NCOA7: variants seen among roughly 807,000 people sequenced by gnomAD.
NCOA7 encodes the protein nuclear receptor coactivator 7.
A neutral mutation model predicts 104.3 loss-of-function variants in NCOA7; 45 were observed. The observed-to-expected ratio is 0.43, with a 90% confidence interval of 0.34 to 0.55. NCOA7 has a LOEUF of 0.55. NCOA7 is among the 20% of genes least tolerant of loss of function. The probability of loss-of-function intolerance (pLI) is 0.02; values close to 1 mark genes in which losing one functional copy is unlikely to be tolerated. For synonymous variants in NCOA7, 398 were observed against 402.3 expected, an observed-to-expected ratio of 0.99 and a Z score of 0.13; for missense variants, 1,041 against 1,119.7, an observed-to-expected ratio of 0.93 and a Z score of 1.00.
At chr6:125,781,393 G>C (rs1432324347) in intron 1 of NCOA7, 1 of 150,066 alleles carries the variant, frequency 6.7e-6, no homozygotes, top group African/African-American at 2.5e-5. Context: ...CTTGAATCTC[G>C]TTTCTTTTTT....
chr6:125,867,939 C>A (rs1302498948), intron 3 of NCOA7, among the ~76,000 whole-genome samples: 1 of 152,166 alleles, frequency 6.6e-6, no homozygotes, highest in Non-Finnish European at 1.5e-5. Context: ...CGGTAATAAG[C>A]CCGCTTCTAT....
chr6:125,829,959 A>T (rs187962454), intron 2 of NCOA7, among the ~76,000 whole-genome samples: 25 of 152,308 alleles, frequency 1.6e-4, no homozygotes, highest in African/African-American at 6.0e-4. Context: ...TAGTCGAAAT[A>T]TGGAGGTCGT....
chr6:125,881,887 G>A (rs940202912), intron 6 of NCOA7, among the ~76,000 whole-genome samples: 2 of 151,718 alleles, frequency 1.3e-5, no homozygotes, highest in African/African-American at 2.4e-5. Context: ...GTCTTTCTCC[G>A]TCACCCAGAC....
intron 2 of NCOA7, among the ~76,000 whole-genome samples, chr6:125,820,615 G>A (rs1778090976): frequency 6.6e-6 from 1 of 152,164 alleles, no homozygotes; most frequent in Non-Finnish European, 1.5e-5. Flanking sequence ...TGAAGATTGA[G>A]GGTAATATAC....
intron 1 of NCOA7, among the ~76,000 whole-genome samples, chr6:125,783,395 C>T (rs553356963): frequency 5.3e-4 from 81 of 152,294 alleles, no homozygotes; most frequent in African/African-American, 1.9e-3. Context: ...CACTGATGAT[C>T]CTTGTCTGAA....
chr6:125,851,316 C>T (rs1781110178), intron 2 of NCOA7, among the ~76,000 whole-genome samples: 1 of 152,118 alleles, frequency 6.6e-6, no homozygotes, highest in African/African-American at 2.4e-5. Flanking sequence ...ATCCTCATAG[C>T]TTAGCTCCCA....
intron 1 of NCOA7, among the ~76,000 whole-genome samples, chr6:125,809,431 C>T (rs1562799967): frequency 6.6e-6 from 1 of 152,176 alleles, no homozygotes; most frequent in African/African-American, 2.4e-5. Flanking sequence ...CTTCCACCTG[C>T]TTCAGCCTCC....
Position 125,889,838 on chromosome 6 carries a change from C to A in NCOA7, c.1784C>A (p.Ser595Tyr). ...GAGCCCCTCCCGGTAAAACTGAACT[C>A]TTCTACAGAAGCAAATGTGATTAAA... ...KGEPLPVKLN[S>Y]STEANVIKEA... Residue 595 changes from serine (S) to tyrosine (Y), a missense_variant, in exon 9 of 16, where the codon TCT (serine) becomes TAT (tyrosine). Ser to Tyr is a moderately radical substitution (Grantham distance 144, BLOSUM62 -2). Transcript: ENST00000392477. The A allele has an allele frequency of 6.2e-7, 1 of 1,613,794 alleles. No individual in the cohort carries two copies. Among genetic ancestry groups the A allele is most frequent in the Non-Finnish European group, 8.5e-7 (1 of 1,179,916 alleles).
At chr6:125,878,917 C>T (rs1298883089) in intron 5 of NCOA7, among the ~76,000 whole-genome samples, 1 of 152,182 alleles carries the variant, frequency 6.6e-6, no homozygotes, top group Non-Finnish European at 1.5e-5. Flanking sequence ...GGCTGCTCAC[C>T]TCTCTTTACA....
At chr6:125,803,451 T>A (rs1244878737) in intron 1 of NCOA7, among the ~76,000 whole-genome samples, 4 of 152,224 alleles carry the variant, frequency 2.6e-5, no homozygotes, top group African/African-American at 7.2e-5. Context: ...TCTAAGTGCT[T>A]ACTGAATTGA....
intron 2 of NCOA7, among the ~76,000 whole-genome samples, chr6:125,817,835 T>C (rs2128575092): frequency 6.6e-6 from 1 of 152,352 alleles, no homozygotes; most frequent in East Asian, 1.9e-4. Context: ...CTGTATGTTC[T>C]GAAGATTCTC....
intron 3 of NCOA7, among the ~76,000 whole-genome samples, chr6:125,862,910 G>A (rs1433596443): frequency 7.2e-6 from 1 of 138,548 alleles, no homozygotes; most frequent in Non-Finnish European, 1.5e-5. Flanking sequence ...CAAGAGAACC[G>A]CTTGAACCCA....
chr6:125,912,363 C>T (rs1240557330), intron 10 of NCOA7, among the ~76,000 whole-genome samples: 2 of 109,662 alleles, frequency 1.8e-5, no homozygotes, highest in South Asian at 5.0e-4. Flanking sequence ...CCTTTCTCTC[C>T]ATATTGCTGC....
chr6:125,851,461 G>A (rs1038563027), intron 2 of NCOA7, among the ~76,000 whole-genome samples: 3 of 152,108 alleles, frequency 2.0e-5, no homozygotes, highest in South Asian at 2.1e-4. Flanking sequence ...AGTAGTCCAT[G>A]GTGTATATAG....
intron 2 of NCOA7, among the ~76,000 whole-genome samples, chr6:125,833,261 A>C (rs1779332350): frequency 6.6e-6 from 1 of 152,164 alleles, no homozygotes. Flanking sequence ...AACATAAAAC[A>C]GTTGAGTAGG....
At chr6:125,813,072 C>T (rs542687552) in intron 1 of NCOA7, among the ~76,000 whole-genome samples, 7 of 152,290 alleles carry the variant, frequency 4.6e-5, no homozygotes, top group African/African-American at 7.2e-5. Context: ...CTACCTCTGC[C>T]GTCTGATTAT....
chr6:125,872,316 C>T (rs746471135), intron 3 of NCOA7, among the ~76,000 whole-genome samples: 2 of 152,160 alleles, frequency 1.3e-5, no homozygotes, highest in African/African-American at 2.4e-5. Flanking sequence ...CTTTTAGTAG[C>T]GCTCCCCATT....
chr6:125,863,233 G>T lies in NCOA7; in HGVS notation c.271+7993G>T, dbSNP rs943073414. 2.9e-5 allele frequency among the ~76,000 whole-genome samples: 4 copies of T among 137,230 alleles called. 1 individual carries two copies. Among genetic ancestry groups the T allele is most frequent in the Admixed American group, 1.4e-4 (2 of 14,448 alleles). 90.0% of individuals were successfully genotyped at this position (137,230 alleles called of 152,430 possible). A position where few individuals can be genotyped will look rare whatever the true frequency, so the allele number is the denominator to read the frequency against. ...GTGATTGCACCAGCTTTGTTTCAAG[G>T]GACACTCCTTTCCTGACCTCTCACA... On this transcript the variant is annotated intron_variant, in intron 3 of 15. Coordinates refer to ENST00000392477, the MANE Select transcript of NCOA7 (RefSeq NM_181782.5).
intron 8 of NCOA7, among the ~76,000 whole-genome samples, chr6:125,888,697 G>A (rs1784420486): frequency 6.6e-6 from 1 of 152,058 alleles, no homozygotes; most frequent in African/African-American, 2.4e-5. Context: ...CTTCCAGTAG[G>A]ATATGCAACT....
Sources: gnomAD v4.1 joint callset for allele counts (sites outside exome capture counted in the v4.1 genomes callset) on GRCh38, gnomAD v4.1.1 for gene constraint, MANE v1.5 for transcripts, NCBI Gene and HGNC (gene_info 2026-07-23, HGNC 2026-07-21) for gene names.